Variants in ZNF536 observed in about 807,000 individuals in gnomAD.
The protein encoded by ZNF536 is zinc finger protein 536.
In ZNF536, 13 loss-of-function variants were observed where a neutral mutation model predicts 84.5. The observed-to-expected ratio is 0.15, with a 90% CI of 0.10 to 0.24. ZNF536 has a LOEUF of 0.24. ZNF536 is among the 10% of genes least tolerant of loss of function. The probability of loss-of-function intolerance (pLI) is 1.00; values close to 1 mark genes in which losing one functional copy is unlikely to be tolerated. For synonymous variants in ZNF536, 811 were observed against 742.5 expected (o/e 1.09, Z -1.50); for missense variants, 1,536 against 1,747.5 (o/e 0.88, Z 2.16).
chr19:30,564,470 T>C (rs2146465676), intron 1 of ZNF536, among the ~76,000 whole-genome samples: 1 of 152,064 alleles, frequency 6.6e-6, no homozygotes, highest in South Asian at 2.1e-4. Flanking sequence ...GGGAACCTTT[T>C]CCGAAGCCTC....
intron 2 of ZNF536, among the ~76,000 whole-genome samples, chr19:30,470,332 C>T (rs917177758): frequency 6.6e-6 from 1 of 152,198 alleles, no homozygotes; most frequent in African/African-American, 2.4e-5. Context: ...GTTAATATCA[C>T]TGTGGTACTA....
At chr19:30,310,496 T>A (rs978817691) in intron 2 of ZNF536, among the ~76,000 whole-genome samples, 8 of 152,206 alleles carry the variant, frequency 5.3e-5, no homozygotes, top group Non-Finnish European at 1.2e-4. Context: ...CAGGGGAAAA[T>A]TTAACATAAA....
chr19:30,662,727 C>T (rs1232787198), intron 1 of ZNF536, among the ~76,000 whole-genome samples: 3 of 151,934 alleles, frequency 2.0e-5, no homozygotes, highest in Non-Finnish European at 4.4e-5. Flanking sequence ...AAGCCATTTC[C>T]CCATGTTAAT....
chr19:30,433,125 T>G (rs2051552611), intron 1 of ZNF536, among the ~76,000 whole-genome samples: 1 of 152,208 alleles, frequency 6.6e-6, no homozygotes, highest in Non-Finnish European at 1.5e-5. Flanking sequence ...TCCATATACA[T>G]TTTGTACATG....
chr19:30,256,198 AAGAGG>A (rs2024910465), intron 1 of ZNF536, among the ~76,000 whole-genome samples: 1 of 152,204 alleles, frequency 6.6e-6, no homozygotes, highest in African/African-American at 2.4e-5. Context: ...AAAAGGAAAA[AAGAGG>A]AGACTCAACT....
intron 2 of ZNF536, among the ~76,000 whole-genome samples, chr19:30,338,081 A>G (rs2047440394): frequency 6.7e-6 from 1 of 150,058 alleles, no homozygotes; most frequent in Non-Finnish European, 1.5e-5. Context: ...TGATGATATG[A>G]TGATAATGGT....
At chr19:30,570,346 C>T (rs991557352) in intron 1 of ZNF536, among the ~76,000 whole-genome samples, 19 of 152,100 alleles carry the variant, frequency 1.2e-4, no homozygotes, top group South Asian at 4.1e-4. Flanking sequence ...TGGAGTAACC[C>T]GGCACGTTCC....
intron 2 of ZNF536, among the ~76,000 whole-genome samples, chr19:30,499,064 G>A (rs931858918): frequency 6.7e-6 from 1 of 148,418 alleles, no homozygotes; most frequent in Admixed American, 6.7e-5. Context: ...CATTGAAATA[G>A]AATTCTAATT....
chr19:30,632,249 T>C (rs897497881), intron 1 of ZNF536, among the ~76,000 whole-genome samples: 3 of 152,214 alleles, frequency 2.0e-5, no homozygotes, highest in African/African-American at 4.8e-5. Context: ...CTTTCTACAA[T>C]AGCCATGGTC....
At chr19:30,316,277 C>T (rs961490340) in intron 2 of ZNF536, among the ~76,000 whole-genome samples, 1 of 152,180 alleles carries the variant, frequency 6.6e-6, no homozygotes, top group Non-Finnish European at 1.5e-5. Context: ...GCCAAAACCT[C>T]ACCAATACTG....
At chr19:30,709,040 T>A (rs1434949902) in intron 1 of ZNF536, among the ~76,000 whole-genome samples, 1 of 152,124 alleles carries the variant, frequency 6.6e-6, no homozygotes, top group Non-Finnish European at 1.5e-5. Context: ...CATCAACAGC[T>A]TCCCGGAAGC....
chr19:30,707,806 T>G (rs1367731719), intron 1 of ZNF536, among the ~76,000 whole-genome samples: 2 of 151,964 alleles, frequency 1.3e-5, no homozygotes, highest in African/African-American at 4.8e-5. Flanking sequence ...GGTCAGGAGT[T>G]TGAGACCAGC....
intron 2 of ZNF536, among the ~76,000 whole-genome samples, chr19:30,334,724 G>A (rs531797303): frequency 4.6e-5 from 7 of 152,294 alleles, no homozygotes; most frequent in African/African-American, 1.4e-4. Context: ...TCAATGCCCA[G>A]CCTTTACAGC....
rs2045995315 is a variant in ZNF536 at position 30,557,157 on chromosome 19, G to A, written c.3896G>A (p.Gly1299Asp). Residue 1299 changes from glycine to aspartate, a missense_variant and splice_region_variant, in exon 5 of 5, where the codon GGT becomes GAT. By Grantham distance (94) the Gly-to-Asp change is moderately conservative. This residue lies in a region of ZNF536 where 624 missense variants were observed against 603.1 expected (regional missense o/e 1.03). Transcript: ENST00000355537. ...AATAAATCTGCACATTTTCTTGCAG[G>A]TAAGTGACACTCCCTGTCCTAGTCG... ...SGCIKRPDLCGK is the reference protein window; with the variant it reads ...SGCIKRPDLCDK 1.2e-6 allele frequency: 2 copies of A among 1,613,402 alleles called. No homozygotes were observed. The highest frequency in any genetic ancestry group is 2.2e-5 in the South Asian group (2 of 90,926).
At chr19:30,240,848 G>A (rs528156480) in intron 1 of ZNF536, among the ~76,000 whole-genome samples, 50 of 152,338 alleles carry the variant, frequency 3.3e-4, no homozygotes, top group African/African-American at 1.2e-3. Flanking sequence ...GTGACAGTAG[G>A]AACTGCTGCG....
At chr19:30,677,747 A>G (rs1344764033) in intron 1 of ZNF536, among the ~76,000 whole-genome samples, 1 of 152,236 alleles carries the variant, frequency 6.6e-6, no homozygotes, top group Non-Finnish European at 1.5e-5. Flanking sequence ...TGGCATCAAG[A>G]AACCACTTAA....
Position 30,443,731 on chromosome 19 carries a change from G to A in ZNF536, c.169G>A (p.Glu57Lys), listed in dbSNP as rs75311223. The stretch of plus-strand genomic sequence containing the variant: ...CGAGCTCCATCCCCGGCCCAACCCC[G>A]AGGAGAAGCCCCCCGCATCCCTGGA... ...FPELHPRPNP[E>K]EKPPASLEEK... is the part of the protein sequence containing the mutation. The change falls in exon 2 of 5, where the codon GAG (glutamate) becomes AAG (lysine). Residue 57 changes from glutamate (E) to lysine (K), a missense_variant. By Grantham distance (56) the Glu-to-Lys change is moderately conservative. This residue lies in a region of ZNF536 where 161 missense variants were observed against 178.5 expected (regional missense o/e 0.90). Coordinates refer to ENST00000355537, the MANE Select transcript of ZNF536 (RefSeq NM_014717.3). The A allele has an allele frequency of 3.0e-5, 49 of 1,612,972 alleles. No homozygotes were observed. The highest frequency in any genetic ancestry group is 4.1e-5 in the Non-Finnish European group (48 of 1,179,598).
At chr19:30,304,762 C>T (rs1428551090) in intron 2 of ZNF536, among the ~76,000 whole-genome samples, 4 of 152,192 alleles carry the variant, frequency 2.6e-5, no homozygotes, top group Non-Finnish European at 5.9e-5. Flanking sequence ...GCCTGGGGCT[C>T]ACAGAACTGC....
intron 1 of ZNF536, among the ~76,000 whole-genome samples, chr19:30,596,990 G>A (rs1418446147): frequency 6.6e-6 from 1 of 152,112 alleles, no homozygotes; most frequent in African/African-American, 2.4e-5. Context: ...TGCTAATAGC[G>A]AATTCCCAGG....
Sources: gnomAD v4.1 joint callset for allele counts (sites outside exome capture counted in the v4.1 genomes callset) on GRCh38, gnomAD v4.1.1 for gene constraint, gnomAD v4.1.1 regional missense constraint, MANE v1.5 for transcripts, NCBI Gene and HGNC (gene_info 2026-07-23, HGNC 2026-07-21) for gene names.